CEP83: variants seen among roughly 807,000 people sequenced by gnomAD.
CEP83 encodes the protein centrosomal protein 83.
A neutral mutation model predicts 101.9 loss-of-function variants in CEP83; 70 were observed. The observed-to-expected ratio is 0.69, with a 90% CI of 0.57 to 0.84. The LOEUF (loss-of-function observed/expected upper bound fraction) is 0.84. Ranked by LOEUF, CEP83 falls within the 40% of genes least tolerant of loss-of-function variation. The probability of loss-of-function intolerance (pLI) is 0.00; values close to 1 mark genes in which losing one functional copy is unlikely to be tolerated. For missense variants in CEP83, 715 were observed against 787.2 expected, an observed-to-expected ratio of 0.91 and a Z score of 1.10; for synonymous variants, 264 against 267.9, an observed-to-expected ratio of 0.99 and a Z score of 0.14.
chr12:94,310,864 T>A (rs911410624), intron 15 of CEP83, among the ~76,000 whole-genome samples: 2 of 152,216 alleles, frequency 1.3e-5, no homozygotes, highest in Non-Finnish European at 2.9e-5. Flanking sequence ...TCTTTGCCCT[T>A]GGTTCCTGGC....
At chr12:94,344,268 A>G (rs1033432053) in intron 11 of CEP83, among the ~76,000 whole-genome samples, 6 of 152,258 alleles carry the variant, frequency 3.9e-5, no homozygotes, top group Non-Finnish European at 7.3e-5. Flanking sequence ...AAAAATAATA[A>G]TTAAAACACT....
intron 1 of CEP83, among the ~76,000 whole-genome samples, chr12:94,438,724 T>C (rs1396335010): frequency 6.6e-6 from 1 of 152,162 alleles, no homozygotes; most frequent in Non-Finnish European, 1.5e-5. Flanking sequence ...ACCCAACAAT[T>C]GCAGAATATA....
chr12:94,392,941 C>G (rs2062647427), intron 6 of CEP83, among the ~76,000 whole-genome samples: 1 of 152,130 alleles, frequency 6.6e-6, no homozygotes, highest in Non-Finnish European at 1.5e-5. Flanking sequence ...AGTTGAATCT[C>G]TGAATAGACC....
chr12:94,435,961 G>A (rs2065951528), intron 1 of CEP83, among the ~76,000 whole-genome samples: 1 of 152,074 alleles, frequency 6.6e-6, no homozygotes, highest in African/African-American at 2.4e-5. Context: ...CCTGCTGGGT[G>A]GCTAGACCCA....
chr12:94,442,832 C>T (rs1323609544), intron 1 of CEP83, among the ~76,000 whole-genome samples: 1 of 152,180 alleles, frequency 6.6e-6, no homozygotes, highest in African/African-American at 2.4e-5. Flanking sequence ...CCTCTATCCT[C>T]TATTTATAAC....
At chr12:94,304,615 C>A (rs1968812329), downstream of CEP83, among the ~76,000 whole-genome samples, 1 of 152,098 alleles carries the variant, frequency 6.6e-6, no homozygotes, top group Non-Finnish European at 1.5e-5. Context: ...CATGCTGGGA[C>A]AGGCTATCCA....
At chr12:94,351,344 A>G (rs1356166641) in intron 11 of CEP83, among the ~76,000 whole-genome samples, 2 of 152,168 alleles carry the variant, frequency 1.3e-5, no homozygotes, top group South Asian at 2.1e-4. Context: ...GAAGGAACAC[A>G]CACTGGGTCC....
At chr12:94,296,904 T>C in the CEP83 span, among the ~76,000 whole-genome samples, 13 of 152,130 alleles carry the variant, frequency 8.5e-5, no homozygotes, top group African/African-American at 2.9e-4. Flanking sequence ...GTGTTCTAGG[T>C]ACATTTGTTA....
chr12:94,336,127 A>T (rs1199661857), intron 11 of CEP83, among the ~76,000 whole-genome samples: 2 of 152,180 alleles, frequency 1.3e-5, no homozygotes, highest in Non-Finnish European at 2.9e-5. Flanking sequence ...TCCTTCTAAC[A>T]AGGCTACAGA....
rs148416332 is a variant in CEP83, at chr12:94,331,528, G to A, written c.1707+172C>T. 4.2e-3 allele frequency among the ~76,000 whole-genome samples: 630 copies of A among 151,644 alleles called. 2 individuals carry two copies. Among genetic ancestry groups the A allele is most frequent in the African/African-American group, 0.014 (579 of 41,362 alleles). On this transcript the variant is annotated intron_variant, in intron 14 of 16. Coordinates refer to ENST00000397809, the MANE Select transcript of CEP83 (RefSeq NM_016122.3). ...GCTACAGGCGCCCGCCACTATGCCT[G>A]GCTAATTTTTTTGTATTTTTTCAGT...
intron 15 of CEP83, among the ~76,000 whole-genome samples, chr12:94,311,473 G>A (rs1018322076): frequency 6.6e-6 from 1 of 152,132 alleles, no homozygotes; most frequent in Non-Finnish European, 1.5e-5. Flanking sequence ...TCTGAAGTGG[G>A]GGGCAGTCTT....
intron 1 of CEP83, among the ~76,000 whole-genome samples, chr12:94,454,989 G>C (rs145043888): frequency 6.6e-6 from 1 of 151,868 alleles, no homozygotes; most frequent in Non-Finnish European, 1.5e-5. Flanking sequence ...CCAGAAGGAA[G>C]AAACTCCGGA....
the CEP83 span, chr12:94,297,519 C>A: frequency 1.2e-6 from 1 of 838,126 alleles, no homozygotes; most frequent in Non-Finnish European, 1.9e-6. Context: ...GTTACAAATC[C>A]CTTGTGCCTT....
chr12:94,325,954 T>C (rs1000719875), intron 14 of CEP83, among the ~76,000 whole-genome samples: 3 of 152,196 alleles, frequency 2.0e-5, no homozygotes, highest in Non-Finnish European at 4.4e-5. Flanking sequence ...TGTATAATTC[T>C]TAGCAAGTCC....
chr12:94,283,556 G>C, the CEP83 span, among the ~76,000 whole-genome samples: 4 of 152,192 alleles, frequency 2.6e-5, no homozygotes, highest in Non-Finnish European at 5.9e-5. Context: ...ACGGGAGACG[G>C]GAGTTTTATT....
At chr12:94,279,730 C>G in the CEP83 span, 1 of 1,205,120 alleles carries the variant, frequency 8.3e-7, no homozygotes, top group East Asian at 2.5e-5. Context: ...GTCCCCCCTC[C>G]CTGCCCCCAC....
At position 94,414,081 on chromosome 12, in the gene CEP83, A is replaced by C. The variant is rs562214775; in HGVS notation, c.-101-1490T>G. ...ATTGCAGTTGTTTTGGTTTCCTCTG[A>C]AATTATATTTTAATACAGAGGGAAA... On this transcript the variant is annotated intron_variant, in intron 2 of 16. Coordinates refer to ENST00000397809, the MANE Select transcript of CEP83 (RefSeq NM_016122.3). 8.5e-5 allele frequency among the ~76,000 whole-genome samples: 13 copies of C among 152,254 alleles called. No homozygotes were observed. In the South Asian group the frequency reaches 2.7e-3, roughly 32 times the overall value.
At chr12:94,296,775 T>C in the CEP83 span, among the ~76,000 whole-genome samples, 1 of 152,226 alleles carries the variant, frequency 6.6e-6, no homozygotes, top group Admixed American at 6.5e-5. Flanking sequence ...TTATCACAGT[T>C]ATAATAATTG....
chr12:94,331,663 T>G, intron 14 of CEP83, 37 bp downstream of exon 14: 1 of 1,606,530 alleles, frequency 6.2e-7, no homozygotes. Context: ...TGAGCCACCA[T>G]GCCTGGCCAG....
Sources: allele counts gnomAD v4.1 joint callset (sites outside exome capture counted in the v4.1 genomes callset), GRCh38; gene constraint gnomAD v4.1.1; transcripts MANE v1.5; gene names NCBI Gene and HGNC (gene_info 2026-07-23, HGNC 2026-07-21).